Variants in PPME1 observed in about 807,000 individuals in gnomAD.
PPME1 encodes protein phosphatase methylesterase 1, also known as testicular secretory protein Li 39.
A neutral mutation model predicts 56.9 loss-of-function variants in PPME1; 17 were observed. That is an observed-to-expected ratio of 0.30 (90% CI 0.20 to 0.45). The LOEUF (loss-of-function observed/expected upper bound fraction) is 0.45. Among genes scored for constraint, PPME1 ranks in the 20% least tolerant of loss-of-function variants. The pLI is 1.00. For missense variants in PPME1, 357 were observed against 483.2 expected (o/e 0.74, Z 2.45); for synonymous variants, 122 against 156.2 (o/e 0.78, Z 1.63).
At chr11:74,174,124 C>T (rs1392449217) in intron 1 of PPME1, among the ~76,000 whole-genome samples, 1 of 145,772 alleles carries the variant, frequency 6.9e-6, no homozygotes, top group Non-Finnish European at 1.5e-5. Flanking sequence ...TAGACATGGT[C>T]TCATTTCACC....
intron 1 of PPME1, among the ~76,000 whole-genome samples, chr11:74,200,279 C>G (rs555492012): frequency 5.7e-4 from 87 of 152,006 alleles, no homozygotes; most frequent in African/African-American, 2.0e-3. Flanking sequence ...ATGTAAGATT[C>G]TTGCCACTTA....
At chr11:74,194,098 TG>T (rs1227363153) in intron 1 of PPME1, among the ~76,000 whole-genome samples, 3 of 152,218 alleles carry the variant, frequency 2.0e-5, no homozygotes, top group Non-Finnish European at 1.5e-5. Context: ...GTAAATGATA[TG>T]TATTTAGCTC....
Position 74,180,615 on chromosome 11 carries a change from A to G in PPME1, c.101+9093A>G, listed in dbSNP as rs367745076. Among the ~76,000 whole-genome samples, 186 of 152,336 alleles carry G rather than the reference A, an allele frequency of 1.2e-3. 2 individuals carry two copies. In the South Asian group the frequency reaches 0.037, roughly 30 times the overall value. ...TAATTATATGGTCGAAACTCTTGTAATAGGTCTTGTAATAGGCTTGTAATA... is the reference window on the plus strand; with the variant it reads ...TAATTATATGGTCGAAACTCTTGTAGTAGGTCTTGTAATAGGCTTGTAATA... On this transcript the variant is annotated intron_variant, in intron 1 of 13. Coordinates refer to ENST00000328257, the MANE Select transcript of PPME1 (RefSeq NM_016147.3).
chr11:74,249,166 A>C (rs1358511737), intron 11 of PPME1: 1 of 152,240 alleles, frequency 6.6e-6, no homozygotes, highest in African/African-American at 2.4e-5. Context: ...TCCTATGAGT[A>C]TAGAGAGTAA....
intron 8 of PPME1, chr11:74,238,922 G>C (rs1200199850): frequency 2.0e-6 from 1 of 489,544 alleles, no homozygotes; most frequent in East Asian, 3.4e-5. Flanking sequence ...GTCAGTATTG[G>C]TGCAAGAACT....
Position 74,230,686 on chromosome 11 carries a change from A to AAGT in PPME1, c.554-225_554-223dup, listed in dbSNP as rs1163326847. The AAGT allele has an allele frequency of 1.7e-6, 1 of 597,076 alleles. No individual in the cohort carries two copies. Among genetic ancestry groups the AAGT allele is most frequent in the Admixed American group, 3.3e-5 (1 of 30,424 alleles). 37.0% of individuals were successfully genotyped at this position (597,076 alleles called of 1,614,324 possible). Reference sequence around the variant, plus strand: ...CATGTCTTTTCTGACCCAGCTTCAGAAGTCACACTGCTGCTTGTGAATACA... The same window carrying AAGT: ...CATGTCTTTTCTGACCCAGCTTCAGAAGTAGTCACACTGCTGCTTGTGAATACA... On this transcript the variant is annotated intron_variant, in intron 6 of 13. Transcript: ENST00000328257. This position sits in a 1 kb window ranked among gnomAD's most constrained non-coding sequence, Gnocchi z 4.9.
At chr11:74,247,416 G>A in intron 11 of PPME1, 1 of 328,112 alleles carries the variant, frequency 3.0e-6, no homozygotes, top group Non-Finnish European at 5.6e-6. Flanking sequence ...AAATTATAAA[G>A]TACTGTATAG....
intron 3 of PPME1, 57 bp downstream of exon 3, chr11:74,204,502 A>T: frequency 7.1e-7 from 1 of 1,411,246 alleles, no homozygotes; most frequent in Non-Finnish European, 9.9e-7. Context: ...TAATGAAAGT[A>T]TAGGGACAAA....
intron 1 of PPME1, among the ~76,000 whole-genome samples, chr11:74,187,118 A>G (rs1449033672): frequency 6.6e-6 from 1 of 152,218 alleles, no homozygotes; most frequent in Non-Finnish European, 1.5e-5. Flanking sequence ...ATCGATCAGT[A>G]TACTGGTACT....
intron 3 of PPME1, among the ~76,000 whole-genome samples, chr11:74,217,566 A>G (rs952131352): frequency 2.6e-5 from 4 of 151,234 alleles, no homozygotes. Context: ...AAAAAAAAGG[A>G]AAAAGATTAT....
chr11:74,181,956 A>T (rs1857551183), intron 1 of PPME1, among the ~76,000 whole-genome samples: 1 of 152,222 alleles, frequency 6.6e-6, no homozygotes, highest in Admixed American at 6.5e-5. Context: ...TCCACATGTC[A>T]TTAGTCTCTC....
intron 3 of PPME1, chr11:74,205,716 T>C (rs989584552): frequency 2.0e-5 from 3 of 152,226 alleles, no homozygotes; most frequent in African/African-American, 7.2e-5. Context: ...TAGGCACATA[T>C]TCAACCACTA....
chr11:74,218,062 A>T (rs1858703896), intron 3 of PPME1, among the ~76,000 whole-genome samples: 1 of 152,212 alleles, frequency 6.6e-6, no homozygotes. Context: ...GTTAGAACTG[A>T]TCAATTTAAT....
At chr11:74,205,980 G>A (rs997125033) in intron 3 of PPME1, 2 of 152,194 alleles carry the variant, frequency 1.3e-5, no homozygotes, top group Middle Eastern at 3.4e-3. Flanking sequence ...ACATGTTGAA[G>A]TAATTATATT....
intron 4 of PPME1, among the ~76,000 whole-genome samples, chr11:74,224,903 G>T (rs897619647): frequency 6.6e-6 from 1 of 151,158 alleles, no homozygotes; most frequent in Non-Finnish European, 1.5e-5. Context: ...GGGACAATTT[G>T]ACTTCCTCTT....
intron 3 of PPME1, among the ~76,000 whole-genome samples, chr11:74,222,069 A>G (rs1166822869): frequency 6.6e-6 from 1 of 152,244 alleles, no homozygotes; most frequent in Non-Finnish European, 1.5e-5. Flanking sequence ...GATAGGAAGA[A>G]TTAAGATTGA....
chr11:74,178,001 AC>A (rs1214474748), intron 1 of PPME1, among the ~76,000 whole-genome samples: 3 of 152,214 alleles, frequency 2.0e-5, no homozygotes, highest in Non-Finnish European at 4.4e-5. Context: ...TTGATGTGAA[AC>A]AATCTAATTT....
intron 1 of PPME1, among the ~76,000 whole-genome samples, chr11:74,188,517 A>T (rs1857750476): frequency 2.0e-5 from 3 of 152,162 alleles, no homozygotes; most frequent in African/African-American, 7.2e-5. Flanking sequence ...GGACAAAAGG[A>T]ATCAAGCGTT....
intron 1 of PPME1, 48 bp from the exon 2 acceptor site, chr11:74,203,680 T>A: frequency 7.0e-7 from 1 of 1,428,338 alleles, no homozygotes; most frequent in South Asian, 1.2e-5. Context: ...AGATTTTATC[T>A]CTTTATGCAT....
Sources: gnomAD v4.1 joint callset for allele counts (sites outside exome capture counted in the v4.1 genomes callset) on GRCh38, gnomAD v4.1.1 for gene constraint, Gnocchi (gnomAD v3.1) non-coding constraint, MANE v1.5 for transcripts, NCBI Gene and HGNC (gene_info 2026-07-23, HGNC 2026-07-21) for gene names.